Variants in VAV2 observed in about 807,000 individuals in gnomAD.
The protein encoded by VAV2 is guanine nucleotide exchange factor VAV2.
Under a neutral mutation model 132.5 loss-of-function variants are expected in VAV2, and 67 were observed. The ratio of observed to expected loss-of-function variants is 0.51; its 90% CI spans 0.42 to 0.62. The LOEUF is 0.62. Among genes scored for constraint, VAV2 ranks in the 20% least tolerant of loss-of-function variants. The pLI, the probability that VAV2 is intolerant of heterozygous loss-of-function variation, is 0.00. For synonymous variants in VAV2, 492 were observed against 443.5 expected (o/e 1.11, Z -1.37); for missense variants, 938 against 1,153.6 (o/e 0.81, Z 2.71).
At chr9:133,888,981 G>C (rs758287585) in intron 2 of VAV2, among the ~76,000 whole-genome samples, 12 of 152,198 alleles carry the variant, frequency 7.9e-5, no homozygotes, top group Non-Finnish European at 1.3e-4. Context: ...AAGCGCCCCT[G>C]CCAGGGGGGC....
chr9:133,959,995 T>G (rs964466301), intron 1 of VAV2, among the ~76,000 whole-genome samples: 1 of 152,220 alleles, frequency 6.6e-6, no homozygotes, highest in Non-Finnish European at 1.5e-5. Flanking sequence ...TCATTTGCTG[T>G]GGCAGCCACA....
At chr9:133,960,862 C>T (rs1447753991) in intron 1 of VAV2, among the ~76,000 whole-genome samples, 1 of 152,228 alleles carries the variant, frequency 6.6e-6, no homozygotes. Flanking sequence ...CTGGCTGGTG[C>T]CAGGCTCCCC....
At chr9:133,809,652 G>A (rs879818416) in intron 6 of VAV2, among the ~76,000 whole-genome samples, 15 of 152,210 alleles carry the variant, frequency 9.9e-5, no homozygotes, top group Non-Finnish European at 2.1e-4. Context: ...CTGGTTTCTA[G>A]CCAGGGGGCC....
chr9:133,888,247 G>A (rs1306967196), intron 2 of VAV2, among the ~76,000 whole-genome samples: 2 of 152,246 alleles, frequency 1.3e-5, no homozygotes, highest in African/African-American at 4.8e-5. Context: ...GTGTCCGCCT[G>A]GGCGGATGAA....
intron 2 of VAV2, among the ~76,000 whole-genome samples, chr9:133,917,924 T>A (rs191596947): frequency 4.8e-3 from 186 of 38,508 alleles, no homozygotes; most frequent in African/African-American, 0.019. Flanking sequence ...CCCCCCACCC[T>A]CCCGGCTGAA....
intron 3 of VAV2, among the ~76,000 whole-genome samples, chr9:133,858,271 G>A (rs999396720): frequency 2.6e-5 from 4 of 152,184 alleles, no homozygotes; most frequent in Non-Finnish European, 5.9e-5. Context: ...AGGCGCTGGG[G>A]ATGGAGTAAC....
At position 133,794,010 on chromosome 9, in the gene VAV2, A is replaced by G. The variant is rs553856079; in HGVS notation, c.1101+1658T>C. ...GCAGACGCACACCCGCAAGTCACCG[A>G]GTACTTTGTGCAGCACCGTGAGCTA... is the stretch of plus-strand genomic sequence containing the variant. On this transcript the variant is annotated intron_variant, in intron 12 of 29. Coordinates refer to ENST00000371850, the MANE Select transcript of VAV2 (RefSeq NM_001134398.2). This position sits in a 1 kb window ranked among gnomAD's most constrained non-coding sequence, Gnocchi z 4.6. Among the ~76,000 whole-genome samples, 2 of 152,128 alleles carry G rather than the reference A, an allele frequency of 1.3e-5. No individual in the cohort carries two copies. The highest frequency in any genetic ancestry group is 4.2e-4 in the South Asian group (2 of 4,810).
chr9:133,882,140 G>A (rs1261237907), intron 2 of VAV2, among the ~76,000 whole-genome samples: 1 of 152,276 alleles, frequency 6.6e-6, no homozygotes, highest in Non-Finnish European at 1.5e-5. Flanking sequence ...TGGACAGACA[G>A]GCCCAGCCAT....
In VAV2 at chr9:133,774,998, G is replaced by C; in HGVS notation, c.2072C>G (p.Ala691Gly). ...QQTDNLLKSHASGTYLIRERP... is the reference protein window; with the variant it reads ...QQTDNLLKSHGSGTYLIRERP... ...CTCCCTGATCAGGTAGGTCCCGCTG[G>C]CGTGGGACTTGAGCAGGTTGTCCGT... Residue 691 changes from alanine (A) to glycine (G), a missense_variant, in exon 25 of 30, where the codon GCC (alanine) becomes GGC (glycine). Physicochemically the swap from Ala to Gly is moderately conservative, Grantham distance 60 (BLOSUM62 0). Transcript: ENST00000371850. 1 of 1,613,586 alleles carries C rather than the reference G, an allele frequency of 6.2e-7. No individual in the cohort carries two copies. Among genetic ancestry groups the C allele is most frequent in the South Asian group, 1.1e-5 (1 of 91,066 alleles).
chr9:133,850,935 A>G (rs1837144107), intron 3 of VAV2, among the ~76,000 whole-genome samples: 1 of 152,198 alleles, frequency 6.6e-6, no homozygotes. Flanking sequence ...CTCCCCCATC[A>G]TGGTGCCATG....
At chr9:133,847,984 T>C (rs1359279275) in intron 3 of VAV2, among the ~76,000 whole-genome samples, 1 of 151,982 alleles carries the variant, frequency 6.6e-6, no homozygotes, top group Non-Finnish European at 1.5e-5. Flanking sequence ...CATGTAAAGA[T>C]CCAAAACAAT....
intron 19 of VAV2, among the ~76,000 whole-genome samples, chr9:133,781,363 C>G (rs1446455077): frequency 6.6e-6 from 1 of 152,252 alleles, no homozygotes; most frequent in Non-Finnish European, 1.5e-5. Context: ...AGGAGCCCAA[C>G]AGCTCACACA....
Position 133,848,279 on chromosome 9 carries a change from C to CAAAAAAAAAAA in VAV2, c.380+13084_380+13094dup, listed in dbSNP as rs34908811. Among the ~76,000 whole-genome samples the CAAAAAAAAAAA allele has an allele frequency of 8.0e-4, 39 of 48,622 alleles. 3 individuals carry two copies. Among genetic ancestry groups the CAAAAAAAAAAA allele is most frequent in the Non-Finnish European group, 1.8e-3 (30 of 16,652 alleles). 31.9% of individuals were successfully genotyped at this position (48,622 alleles called of 152,430 possible). On this transcript the variant is annotated intron_variant, in intron 3 of 29. Coordinates refer to ENST00000371850, the MANE Select transcript of VAV2 (RefSeq NM_001134398.2). ...TGGGCGACTGAGTGAGACTCCGTCT[C>CAAAAAAAAAAA]AAAAAAAAAAAAAAAAAAAAAAAAA...
chr9:133,915,900 ATGCACACG>A (rs1490342990), intron 2 of VAV2, among the ~76,000 whole-genome samples: 2 of 151,008 alleles, frequency 1.3e-5, no homozygotes, highest in Admixed American at 6.6e-5. Flanking sequence ...CTCACACACG[ATGCACACG>A]TGCACACACA....
chr9:133,901,827 TC>T (rs927204115), intron 2 of VAV2, among the ~76,000 whole-genome samples: 9 of 152,178 alleles, frequency 5.9e-5, no homozygotes, highest in Non-Finnish European at 1.2e-4. Context: ...TTCTACCTTT[TC>T]CCAGGAGACG....
chr9:133,989,904 G>A (rs1007129049), intron 1 of VAV2, among the ~76,000 whole-genome samples: 31 of 152,260 alleles, frequency 2.0e-4, no homozygotes, highest in African/African-American at 6.5e-4. Flanking sequence ...CACCCTCCAC[G>A]GGACAGAGGA....
At chr9:133,921,388 A>C (rs1588373256) in intron 2 of VAV2, among the ~76,000 whole-genome samples, 1 of 152,204 alleles carries the variant, frequency 6.6e-6, no homozygotes, top group Admixed American at 6.5e-5. Context: ...CTGTCATCTC[A>C]GCACTTCAGG....
rs370425720 is a variant in VAV2, at chr9:133,884,061, G to GGAGGCGGAGGTTGCAGC, written c.322-22646_322-22630dup. On this transcript the variant is annotated intron_variant, in intron 2 of 29. Coordinates refer to ENST00000371850, the MANE Select transcript of VAV2 (RefSeq NM_001134398.2). The surrounding 1 kb of genome is among the most constrained non-coding windows in gnomAD (Gnocchi z 5.3). ...GAGGCAGGGGAATCACTTGAACCCGGGAGGCGGAGGTTGCAGCGAGGCGGA... is the reference window on the plus strand; with the variant it reads ...GAGGCAGGGGAATCACTTGAACCCGGGAGGCGGAGGTTGCAGCGAGGCGGAGGTTGCAGCGAGGCGGA... 2.6e-5 allele frequency among the ~76,000 whole-genome samples: 4 copies of GGAGGCGGAGGTTGCAGC among 152,088 alleles called. No homozygotes were observed. The highest frequency in any genetic ancestry group is 7.2e-5 in the African/African-American group (3 of 41,390).
At chr9:133,811,138 GGGA>G (rs1835342811) in intron 5 of VAV2, among the ~76,000 whole-genome samples, 1 of 151,688 alleles carries the variant, frequency 6.6e-6, no homozygotes, top group Non-Finnish European at 1.5e-5. Flanking sequence ...CATCCCTCGG[GGGA>G]GACCCCCCGG....
Sources: allele counts gnomAD v4.1 joint callset (sites outside exome capture counted in the v4.1 genomes callset), GRCh38; gene constraint gnomAD v4.1.1; non-coding constraint Gnocchi (gnomAD v3.1); transcripts MANE v1.5; gene names NCBI Gene and HGNC (gene_info 2026-07-23, HGNC 2026-07-21).